PAM: variants seen among roughly 807,000 people sequenced by gnomAD.
The protein encoded by PAM is peptidylglycine alpha-amidating monooxygenase, also known as peptidyl-glycine alpha-amidating monooxygenase.
In PAM, 72 loss-of-function variants were observed where a neutral mutation model predicts 122.1. That is an observed-to-expected ratio of 0.59 (90% CI 0.49 to 0.72). The LOEUF is 0.72. Ranked by LOEUF, PAM falls within the 30% of genes least tolerant of loss-of-function variation. PAM has a pLI of 0.00. For missense variants in PAM, 1,106 were observed against 1,183.7 expected (o/e 0.93, Z 0.96); for synonymous variants, 389 against 404.4 (o/e 0.96, Z 0.46).
intron 1 of PAM, among the ~76,000 whole-genome samples, chr5:102,788,610 T>C (rs2149965571): frequency 6.6e-6 from 1 of 152,210 alleles, no homozygotes; most frequent in Admixed American, 6.5e-5. Flanking sequence ...CAAATTAATT[T>C]TTGTTAAGTA....
intron 21 of PAM, among the ~76,000 whole-genome samples, chr5:103,010,486 TACTC>T (rs1190434200): frequency 1.3e-5 from 2 of 152,204 alleles, no homozygotes; most frequent in Non-Finnish European, 2.9e-5. Flanking sequence ...TCAGTGTACT[TACTC>T]TGCAGTATGA....
chr5:102,963,992 A>G (rs1056469364), intron 14 of PAM, among the ~76,000 whole-genome samples: 4 of 151,472 alleles, frequency 2.6e-5, no homozygotes, highest in Non-Finnish European at 5.9e-5. Context: ...GACCTTTACT[A>G]AGATAGAAAA....
intron 1 of PAM, among the ~76,000 whole-genome samples, chr5:102,834,793 T>A (rs968142814): frequency 6.6e-6 from 1 of 151,964 alleles, no homozygotes; most frequent in South Asian, 2.1e-4. Context: ...ATCCCTGGGA[T>A]GGGATAGGGG....
chr5:102,832,565 C>T (rs1054237770), intron 1 of PAM, among the ~76,000 whole-genome samples: 1 of 152,018 alleles, frequency 6.6e-6, no homozygotes, highest in African/African-American at 2.4e-5. Context: ...ACAATTATAA[C>T]AATATACTGT....
chr5:102,808,934 A>G (rs1280966256), intron 1 of PAM, among the ~76,000 whole-genome samples: 1 of 152,230 alleles, frequency 6.6e-6, no homozygotes, highest in Non-Finnish European at 1.5e-5. Context: ...CTTCTTAAGG[A>G]TAATCCAGCT....
chr5:102,968,387 G>T (rs1764753127), intron 14 of PAM, among the ~76,000 whole-genome samples: 1 of 152,134 alleles, frequency 6.6e-6, no homozygotes. Context: ...GTGCAGGTTA[G>T]TACTGTACCT....
intron 7 of PAM, among the ~76,000 whole-genome samples, chr5:102,936,759 C>A (rs552229644): frequency 3.3e-5 from 5 of 152,042 alleles, no homozygotes; most frequent in African/African-American, 1.2e-4. Context: ...GTATTTTTTT[C>A]ACAGAGCCAA....
intron 1 of PAM, among the ~76,000 whole-genome samples, chr5:102,806,588 T>C (rs1766289200): frequency 1.3e-5 from 2 of 152,204 alleles, no homozygotes; most frequent in Admixed American, 1.3e-4. Context: ...TACATATATA[T>C]ACACACATAC....
At chr5:102,951,324 T>G (rs1374326737) in intron 12 of PAM, among the ~76,000 whole-genome samples, 1 of 152,058 alleles carries the variant, frequency 6.6e-6, no homozygotes, top group Non-Finnish European at 1.5e-5. Flanking sequence ...TTAAATAATT[T>G]TTTAAATACT....
intron 1 of PAM, among the ~76,000 whole-genome samples, chr5:102,788,743 T>G (rs533808070): frequency 7.5e-4 from 114 of 152,246 alleles, no homozygotes; most frequent in African/African-American, 2.6e-3. Flanking sequence ...AGGGTCATAC[T>G]TTTACCTGAG....
intron 1 of PAM, among the ~76,000 whole-genome samples, chr5:102,818,880 C>T (rs1770791768): frequency 6.6e-6 from 1 of 152,110 alleles, no homozygotes; most frequent in Non-Finnish European, 1.5e-5. Flanking sequence ...GTTATGAATG[C>T]ACATTTAGAG....
At chr5:103,007,755 C>A in intron 20 of PAM, 98 bp downstream of exon 20, 1 of 738,966 alleles carries the variant, frequency 1.4e-6, no homozygotes, top group South Asian at 1.8e-5. Flanking sequence ...ATTTTCTTTG[C>A]TATATATTTC....
intron 7 of PAM, among the ~76,000 whole-genome samples, chr5:102,945,474 A>AT (rs1328567430): frequency 6.6e-6 from 1 of 151,418 alleles, no homozygotes; most frequent in Non-Finnish European, 1.5e-5. Flanking sequence ...TATAAACTAA[A>AT]TATATGTAAA....
intron 1 of PAM, among the ~76,000 whole-genome samples, chr5:102,805,064 CTTTTTTTTTT>C (rs527963126): frequency 4.8e-5 from 5 of 103,776 alleles, no homozygotes; most frequent in Admixed American, 1.1e-4. Context: ...GGGAATTTTC[CTTTTTTTTTT>C]TTTTTTTTTT....
At chr5:102,891,143 C>A (rs1035267492) in intron 3 of PAM, among the ~76,000 whole-genome samples, 1 of 151,798 alleles carries the variant, frequency 6.6e-6, no homozygotes, top group Non-Finnish European at 1.5e-5. Flanking sequence ...TGAAACAGAA[C>A]AAAATTCAAC....
chr5:102,989,908 A>T (rs1359885884), intron 15 of PAM: 1 of 155,388 alleles, frequency 6.4e-6, no homozygotes, highest in African/African-American at 2.4e-5. Flanking sequence ...TAAAACATTT[A>T]AAAGCGTTGT....
At chr5:102,900,804 G>T (rs1797605808) in intron 3 of PAM, among the ~76,000 whole-genome samples, 1 of 151,404 alleles carries the variant, frequency 6.6e-6, no homozygotes, top group Non-Finnish European at 1.5e-5. Flanking sequence ...ATTTAGATGA[G>T]ACCAATAACT....
intron 21 of PAM, among the ~76,000 whole-genome samples, chr5:103,014,760 T>C (rs1409929811): frequency 6.6e-6 from 1 of 152,156 alleles, no homozygotes; most frequent in Non-Finnish European, 1.5e-5. Context: ...CAGGGAAGCT[T>C]AGACAGTAGG....
At chr5:102,923,446 C>T (rs908312089) in intron 5 of PAM, among the ~76,000 whole-genome samples, 1 of 152,176 alleles carries the variant, frequency 6.6e-6, no homozygotes, top group Non-Finnish European at 1.5e-5. Flanking sequence ...CTGTATTTGT[C>T]CTTGTCCTTT....
Sources: gnomAD v4.1 joint callset for allele counts (sites outside exome capture counted in the v4.1 genomes callset) on GRCh38, gnomAD v4.1.1 for gene constraint, MANE v1.5 for transcripts, NCBI Gene and HGNC (gene_info 2026-07-23, HGNC 2026-07-21) for gene names.